The following FRMPD4 variants were observed in gnomAD, a reference collection of about 807,000 sequenced individuals.
FRMPD4 encodes the protein FERM and PDZ domain-containing protein 4.
In FRMPD4, 22 loss-of-function variants were observed where a neutral mutation model predicts 94.1. That is an observed-to-expected ratio of 0.23 (90% CI 0.17 to 0.33). The LOEUF (loss-of-function observed/expected upper bound fraction) is 0.33. Ranked by LOEUF, FRMPD4 falls within the 10% of genes least tolerant of loss-of-function variation. FRMPD4 has a pLI of 1.00. For synonymous variants in FRMPD4, 631 were observed against 548.6 expected (o/e 1.15, Z -2.10); for missense variants, 1,111 against 1,339.9 (o/e 0.83, Z 2.67).
chrX:12,279,365 ATC>A (rs1461105677), intron 1 of FRMPD4, among the ~76,000 whole-genome samples: 3 of 112,374 alleles, frequency 2.7e-5, no homozygotes, highest in African/African-American at 9.7e-5. Flanking sequence ...CTCTGCTGCC[ATC>A]TCTGTCACCT....
intron 1 of FRMPD4, among the ~76,000 whole-genome samples, chrX:11,840,678 A>C (rs1306599882): frequency 1.2e-4 from 13 of 108,455 alleles, no homozygotes; most frequent in Non-Finnish European, 2.3e-4. Context: ...GCTATAAGTG[A>C]TTTTGTGCCC....
At chrX:12,706,993 A>G (rs2041888989) in intron 12 of FRMPD4, 78 bp downstream of exon 12, 1 of 521,534 alleles carries the variant, frequency 1.9e-6, no homozygotes, top group Admixed American at 3.3e-5. Flanking sequence ...GACAAAAGCA[A>G]ATCAGCTGTG....
chrX:11,839,844 T>C (rs977778076), intron 1 of FRMPD4, among the ~76,000 whole-genome samples: 1 of 111,286 alleles, frequency 9.0e-6, no homozygotes, highest in Non-Finnish European at 1.9e-5. Flanking sequence ...TTTGTTTGTT[T>C]TTCTCATTGA....
chrX:11,869,930 G>A (rs897637811), intron 2 of FRMPD4, among the ~76,000 whole-genome samples: 5 of 111,201 alleles, frequency 4.5e-5, no homozygotes, highest in Admixed American at 1.9e-4. Flanking sequence ...CTTTCCATAT[G>A]TGTCATACTT....
At chrX:12,357,410 C>T (rs962318838) in intron 1 of FRMPD4, among the ~76,000 whole-genome samples, 5 of 111,895 alleles carry the variant, frequency 4.5e-5, no homozygotes, top group Non-Finnish European at 9.4e-5. Flanking sequence ...TACTACTATC[C>T]TCATCTTGCA....
intron 4 of FRMPD4, among the ~76,000 whole-genome samples, chrX:12,666,410 C>A (rs917576621): frequency 3.6e-5 from 4 of 111,530 alleles, no homozygotes; most frequent in Non-Finnish European, 7.5e-5. Context: ...GACTTGAACT[C>A]AGCTCTGGAC....
At chrX:12,641,970 TCC>T (rs924183873) in intron 4 of FRMPD4, among the ~76,000 whole-genome samples, 5 of 111,792 alleles carry the variant, frequency 4.5e-5, no homozygotes, top group African/African-American at 1.6e-4. Context: ...CCCAGGCACT[TCC>T]TTGGGTGCTT....
At chrX:12,121,189 T>C (rs1208089992) in intron 3 of FRMPD4, among the ~76,000 whole-genome samples, 2 of 109,241 alleles carry the variant, frequency 1.8e-5, no homozygotes. Context: ...TGGTGGAGTT[T>C]TTGGAGGCTA....
At chrX:11,927,321 C>T (rs2147349371) in intron 3 of FRMPD4, among the ~76,000 whole-genome samples, 1 of 111,892 alleles carries the variant, frequency 8.9e-6, no homozygotes, top group South Asian at 3.8e-4. Flanking sequence ...GGTCATACTG[C>T]CCAAAGCAAT....
intron 3 of FRMPD4, among the ~76,000 whole-genome samples, chrX:11,900,556 G>A (rs149635274): frequency 1.9e-3 from 215 of 111,790 alleles, no homozygotes; most frequent in African/African-American, 6.7e-3. Flanking sequence ...TATCTGTGCT[G>A]AATGTCTGTG....
chrX:11,903,503 C>CCAGTTCAAACCCAAATTA (rs1555912956), intron 3 of FRMPD4, among the ~76,000 whole-genome samples: 1 of 111,031 alleles, frequency 9.0e-6, no homozygotes, highest in African/African-American at 3.3e-5. Flanking sequence ...CTACTCTTCT[C>CCAGTTCAAACCCAAATTA]CAATTTCATT....
At chrX:12,432,795 G>GT (rs1310214147) in intron 1 of FRMPD4, among the ~76,000 whole-genome samples, 4 of 112,172 alleles carry the variant, frequency 3.6e-5, no homozygotes, top group African/African-American at 1.3e-4. Context: ...GAGAGGAGGT[G>GT]TTACTATGTT....
At chrX:12,269,279 C>A (rs1333175490) in intron 1 of FRMPD4, among the ~76,000 whole-genome samples, 1 of 110,891 alleles carries the variant, frequency 9.0e-6, no homozygotes, top group Non-Finnish European at 1.9e-5. Flanking sequence ...AGAAACCACA[C>A]CGCTTGGCTC....
chrX:12,125,550 C>T (rs996601973), intron 3 of FRMPD4, among the ~76,000 whole-genome samples: 2 of 110,732 alleles, frequency 1.8e-5, no homozygotes, highest in African/African-American at 3.3e-5. Context: ...TAATCCCCCC[C>T]GGTCCTTATC....
intron 3 of FRMPD4, among the ~76,000 whole-genome samples, chrX:11,992,904 C>A (rs1272670093): frequency 9.2e-6 from 1 of 109,008 alleles, no homozygotes; most frequent in Non-Finnish European, 1.9e-5. Flanking sequence ...TGAGTTCCCC[C>A]TGGAGGCTCA....
chrX:12,381,722 G>A (rs193016563), intron 1 of FRMPD4, among the ~76,000 whole-genome samples: 307 of 111,942 alleles, frequency 2.7e-3, no homozygotes, highest in African/African-American at 9.4e-3. Flanking sequence ...CTGCTGACAC[G>A]ATAATCCAGA....
intron 1 of FRMPD4, among the ~76,000 whole-genome samples, chrX:12,301,814 G>T (rs1169923039): frequency 1.8e-5 from 2 of 111,909 alleles, no homozygotes; most frequent in Non-Finnish European, 3.8e-5. Context: ...GGAGAATGAG[G>T]CTCAATATCA....
intron 1 of FRMPD4, among the ~76,000 whole-genome samples, chrX:12,313,935 G>A (rs7877535): frequency 8.9e-6 from 1 of 112,113 alleles, no homozygotes; most frequent in Admixed American, 9.5e-5. Flanking sequence ...TGTTATGTGT[G>A]TAATGTAATG....
intron 1 of FRMPD4, among the ~76,000 whole-genome samples, chrX:12,277,299 G>GA (rs1260862176): frequency 2.7e-5 from 3 of 111,064 alleles, no homozygotes; most frequent in African/African-American, 9.8e-5. Flanking sequence ...AGATTAACAA[G>GA]AAAAAAACAT....
Sources: allele counts gnomAD v4.1 joint callset (sites outside exome capture counted in the v4.1 genomes callset), GRCh38; gene constraint gnomAD v4.1.1; transcripts MANE v1.5; gene names NCBI Gene and HGNC (gene_info 2026-07-23, HGNC 2026-07-21).